Variants in EYA4 observed in about 807,000 individuals in gnomAD.
EYA4 encodes the protein EYA transcriptional coactivator and phosphatase 4.
A neutral mutation model predicts 87.9 loss-of-function variants in EYA4; 31 were observed. The observed-to-expected ratio is 0.35, with a 90% CI of 0.27 to 0.48. The LOEUF is 0.48. Among genes scored for constraint, EYA4 ranks in the 20% least tolerant of loss-of-function variants. The pLI is 0.99. For synonymous variants in EYA4, 263 were observed against 270.6 expected, an observed-to-expected ratio of 0.97 and a Z score of 0.28; for missense variants, 678 against 761.4, an observed-to-expected ratio of 0.89 and a Z score of 1.29.
At position 133,382,560 on chromosome 6, in the gene EYA4, T is replaced by C. The variant is rs10484668; in HGVS notation, c.83+119T>C. On this transcript the variant is annotated intron_variant, in intron 3 of 19. Transcript: ENST00000355286. ...AACATTGAGCTTCTTGAAGAACTTA[T>C]CTTGATGGAAACTGTATATCATGCT... is the stretch of plus-strand genomic sequence containing the variant. 18,677 of 802,536 alleles carry C rather than the reference T, an allele frequency of 0.023. 1,937 individuals are homozygous for C. In the African/African-American group the frequency reaches 0.25, roughly 11 times the overall value. 49.7% of individuals were successfully genotyped at this position (802,536 alleles called of 1,614,324 possible). A position where few individuals can be genotyped will look rare whatever the true frequency, so the allele number is the denominator to read the frequency against.
chr6:133,348,234 A>C (rs1335166639), intron 2 of EYA4, among the ~76,000 whole-genome samples: 1 of 149,782 alleles, frequency 6.7e-6, no homozygotes, highest in Non-Finnish European at 1.5e-5. Context: ...TCTCCATTAC[A>C]AATCTTCCTC....
At position 133,458,159 on chromosome 6, in the gene EYA4, C is replaced by T. The variant is rs548380450; in HGVS notation, c.370+1511C>T. 1.4e-4 allele frequency among the ~76,000 whole-genome samples: 21 copies of T among 152,196 alleles called. 1 individual carries two copies. In the South Asian group the frequency reaches 4.4e-3, roughly 32 times the overall value. On this transcript the variant is annotated intron_variant, in intron 6 of 19. Coordinates refer to ENST00000355286, the MANE Select transcript of EYA4 (RefSeq NM_004100.5). ...CTCATATTGTCTTTGTAGATATTTT[C>T]GCAAATTTTTAAAGAAGTATCTAGG... is the stretch of plus-strand genomic sequence containing the variant.
intron 3 of EYA4, among the ~76,000 whole-genome samples, chr6:133,434,071 G>C (rs985012220): frequency 2.6e-5 from 4 of 152,204 alleles, no homozygotes; most frequent in Non-Finnish European, 5.9e-5. Context: ...TGTTAAAGAA[G>C]AATCCTGGAG....
intron 2 of EYA4, among the ~76,000 whole-genome samples, chr6:133,374,533 T>TA (rs1785522231): frequency 6.6e-6 from 1 of 152,064 alleles, no homozygotes; most frequent in South Asian, 2.1e-4. Flanking sequence ...CTGTTGCACT[T>TA]AGAGTATTTG....
chr6:133,311,677 C>T lies in EYA4; in HGVS notation c.33+36864C>T, dbSNP rs185353412. ...CCAAAGCCCTTCAGTAGCTAGCTCC[C>T]TGTTGGACTCTAAAAATCCCAACTC... On this transcript the variant is annotated intron_variant, in intron 2 of 19. Transcript: ENST00000355286. Among the ~76,000 whole-genome samples the T allele has an allele frequency of 7.9e-4, 120 of 152,274 alleles. 1 individual carries two copies. Among genetic ancestry groups the T allele is most frequent in the African/African-American group, 2.7e-3 (111 of 41,550 alleles).
chr6:133,499,892 C>G (rs1003580772), intron 13 of EYA4, among the ~76,000 whole-genome samples: 36 of 151,990 alleles, frequency 2.4e-4, no homozygotes, highest in African/African-American at 8.5e-4. Context: ...ACCACAGAGG[C>G]TTAACTCTTG....
chr6:133,494,565 AC>A (rs1271336573), intron 13 of EYA4, among the ~76,000 whole-genome samples: 2 of 151,938 alleles, frequency 1.3e-5, no homozygotes, highest in Non-Finnish European at 2.9e-5. Context: ...GAGTCCAGGC[AC>A]AGTAGCTCAG....
chr6:133,406,083 C>T (rs933430622), intron 3 of EYA4, among the ~76,000 whole-genome samples: 7 of 152,058 alleles, frequency 4.6e-5, no homozygotes, highest in Non-Finnish European at 1.0e-4. Context: ...TATCAGATTA[C>T]TTTATATATA....
chr6:133,270,397 T>C (rs1021205178), intron 1 of EYA4, among the ~76,000 whole-genome samples: 1 of 152,224 alleles, frequency 6.6e-6, no homozygotes, highest in African/African-American at 2.4e-5. Flanking sequence ...TAAATGCCGA[T>C]ATGAAGTCAA....
At chr6:133,441,380 TATAA>T (rs1792274433) in intron 3 of EYA4, among the ~76,000 whole-genome samples, 1 of 152,238 alleles carries the variant, frequency 6.6e-6, no homozygotes, top group Admixed American at 6.5e-5. Flanking sequence ...TACATACTGT[TATAA>T]ATAAAGCTTC....
At chr6:133,450,274 C>T (rs1159783738) in intron 5 of EYA4, among the ~76,000 whole-genome samples, 1 of 152,094 alleles carries the variant, frequency 6.6e-6, no homozygotes, top group Non-Finnish European at 1.5e-5. Flanking sequence ...CCTGAGGCAC[C>T]GTGCCCGGCC....
intron 2 of EYA4, among the ~76,000 whole-genome samples, chr6:133,317,241 A>G (rs1402519546): frequency 6.6e-6 from 1 of 152,210 alleles, no homozygotes; most frequent in Admixed American, 6.5e-5. Context: ...ACCTGTAATT[A>G]CCACAGGACA....
chr6:133,282,964 A>G (rs1294341370), intron 2 of EYA4, among the ~76,000 whole-genome samples: 1 of 152,144 alleles, frequency 6.6e-6, no homozygotes, highest in East Asian at 1.9e-4. Context: ...CAATTTACAT[A>G]TTGTTATCTA....
intron 1 of EYA4, among the ~76,000 whole-genome samples, chr6:133,259,978 A>G (rs571397008): frequency 2.9e-4 from 44 of 152,320 alleles, no homozygotes; most frequent in Non-Finnish European, 5.4e-4. Flanking sequence ...CTTTAGATGT[A>G]TCTAATTTGC....
intron 5 of EYA4, among the ~76,000 whole-genome samples, chr6:133,450,443 G>T (rs887892729): frequency 6.6e-6 from 1 of 152,178 alleles, no homozygotes; most frequent in Admixed American, 6.5e-5. Flanking sequence ...AAAGGCAAAA[G>T]AAAAGAACTA....
intron 1 of EYA4, among the ~76,000 whole-genome samples, chr6:133,261,752 A>G (rs1775814474): frequency 6.6e-6 from 1 of 152,244 alleles, no homozygotes; most frequent in Admixed American, 6.5e-5. Context: ...TACAGCAAAG[A>G]ATGTTAAAAT....
At position 133,392,588 on chromosome 6, in the gene EYA4, G is replaced by A. The variant is rs111608739; in HGVS notation, c.83+10147G>A. ...CTTAGCAAATTGTGGTTATTTTGGGGCGGCATTACACACTATTTTTTTCAT... is the reference window on the plus strand; with the variant it reads ...CTTAGCAAATTGTGGTTATTTTGGGACGGCATTACACACTATTTTTTTCAT... On this transcript the variant is annotated intron_variant, in intron 3 of 19. Coordinates refer to ENST00000355286, the MANE Select transcript of EYA4 (RefSeq NM_004100.5). 8.0e-3 allele frequency among the ~76,000 whole-genome samples: 1,217 copies of A among 152,230 alleles called. 19 individuals are homozygous for A. Among genetic ancestry groups the A allele is most frequent in the African/African-American group, 0.028 (1,155 of 41,540 alleles).
chr6:133,310,047 G>A (rs755782457), intron 2 of EYA4, among the ~76,000 whole-genome samples: 208 of 152,294 alleles, frequency 1.4e-3, no homozygotes, highest in Non-Finnish European at 2.0e-3. Flanking sequence ...TTGTGAGGGA[G>A]CCTGGTATTC....
chr6:133,403,902 C>A (rs539301580), intron 3 of EYA4, among the ~76,000 whole-genome samples: 1 of 152,278 alleles, frequency 6.6e-6, no homozygotes, highest in African/African-American at 2.4e-5. Context: ...CCTCTGCCCC[C>A]AGAGTTCAAG....
Sources: gnomAD v4.1 joint callset for allele counts (sites outside exome capture counted in the v4.1 genomes callset) on GRCh38, gnomAD v4.1.1 for gene constraint, MANE v1.5 for transcripts, NCBI Gene and HGNC (gene_info 2026-07-23, HGNC 2026-07-21) for gene names.